The following CCBE1 variants were observed in gnomAD, a reference collection of about 807,000 sequenced individuals.
CCBE1 encodes the protein collagen and calcium binding EGF domains 1, also known as collagen and calcium-binding EGF domain-containing protein 1.
A neutral mutation model predicts 50.0 loss-of-function variants in CCBE1; 37 were observed. That is an observed-to-expected ratio of 0.74 (90% CI 0.57 to 0.97). The LOEUF (loss-of-function observed/expected upper bound fraction) is 0.97, where lower values mean the gene tolerates loss of function less well. Ranked by LOEUF, CCBE1 falls within the 50% of genes least tolerant of loss-of-function variation. The probability of loss-of-function intolerance (pLI) is 0.00; values close to 1 mark genes in which losing one functional copy is unlikely to be tolerated. For synonymous variants in CCBE1, 234 were observed against 203.7 expected (o/e 1.15, Z -1.27); for missense variants, 538 against 523.8 (o/e 1.03, Z -0.26).
At chr18:59,620,062 G>C (rs881253) in intron 2 of CCBE1, among the ~76,000 whole-genome samples, 85,564 of 151,782 alleles carry the variant, frequency 0.56, 26,050 homozygotes, top group African/African-American at 0.79. Flanking sequence ...GAGGGGAATA[G>C]GAAAGGAAAG....
At chr18:59,659,793 G>A (rs577939930) in intron 2 of CCBE1, among the ~76,000 whole-genome samples, 1 of 152,294 alleles carries the variant, frequency 6.6e-6, no homozygotes, top group African/African-American at 2.4e-5. Context: ...CCCACTGCCA[G>A]CAATGAGCTG....
chr18:59,535,978 G>A (rs1439650428), intron 2 of CCBE1, among the ~76,000 whole-genome samples: 1 of 152,186 alleles, frequency 6.6e-6, no homozygotes, highest in Non-Finnish European at 1.5e-5. Context: ...ACAAGCCACG[G>A]TGCCTGGCTG....
intron 2 of CCBE1, among the ~76,000 whole-genome samples, chr18:59,508,561 T>A (rs113904423): frequency 0.045 from 6,884 of 151,818 alleles, 484 homozygotes; most frequent in African/African-American, 0.15. Flanking sequence ...TACACCACTA[T>A]ACTCTAGCCT....
intron 2 of CCBE1, among the ~76,000 whole-genome samples, chr18:59,507,433 A>C (rs1376053836): frequency 6.6e-6 from 1 of 152,232 alleles, no homozygotes; most frequent in Non-Finnish European, 1.5e-5. Flanking sequence ...AGCCAAGGCA[A>C]TATGACCTTC....
chr18:59,609,442 A>G (rs1297432546), intron 2 of CCBE1, among the ~76,000 whole-genome samples: 4 of 152,206 alleles, frequency 2.6e-5, no homozygotes, highest in South Asian at 2.1e-4. Context: ...GGTTTTCGAC[A>G]TGCTACAGAA....
intron 2 of CCBE1, among the ~76,000 whole-genome samples, chr18:59,631,539 A>C (rs112579367): frequency 6.6e-6 from 1 of 152,322 alleles, no homozygotes; most frequent in Non-Finnish European, 1.5e-5. Context: ...CTAGATGTCA[A>C]AGGCCATTGA....
intron 2 of CCBE1, among the ~76,000 whole-genome samples, chr18:59,486,823 G>T (rs953963018): frequency 6.6e-6 from 1 of 152,058 alleles, no homozygotes; most frequent in Non-Finnish European, 1.5e-5. Flanking sequence ...GAAGCAAGAG[G>T]TATATTCTTT....
intron 3 of CCBE1, among the ~76,000 whole-genome samples, chr18:59,479,387 C>T (rs1486697418): frequency 6.6e-6 from 1 of 152,170 alleles, no homozygotes; most frequent in Non-Finnish European, 1.5e-5. Context: ...GTGTATATGT[C>T]CCCTCTGAAC....
At chr18:59,540,704 G>C (rs574386660) in intron 2 of CCBE1, among the ~76,000 whole-genome samples, 1 of 152,130 alleles carries the variant, frequency 6.6e-6, no homozygotes, top group Admixed American at 6.5e-5. Context: ...TGGCAAACTG[G>C]CTTTCTGTTT....
At chr18:59,480,425 T>C (rs1912518212) in intron 2 of CCBE1, among the ~76,000 whole-genome samples, 187 bp from the exon 3 acceptor site, 1 of 152,186 alleles carries the variant, frequency 6.6e-6, no homozygotes, top group African/African-American at 2.4e-5. Flanking sequence ...TGACATTTTC[T>C]AATACCGGGA....
At chr18:59,542,611 A>G (rs1251452175) in intron 2 of CCBE1, among the ~76,000 whole-genome samples, 1 of 152,196 alleles carries the variant, frequency 6.6e-6, no homozygotes, top group South Asian at 2.1e-4. Context: ...GGAATATATC[A>G]AAAAAGGCAA....
intron 2 of CCBE1, among the ~76,000 whole-genome samples, chr18:59,541,266 GAGA>G (rs1915454694): frequency 1.3e-5 from 2 of 152,202 alleles, no homozygotes; most frequent in Admixed American, 1.3e-4. Context: ...CTCTAAGTCA[GAGA>G]AGAAGGGAAA....
In CCBE1 at chr18:59,675,545, C is replaced by T. The variant is rs550771095; in HGVS notation, c.212+21084G>A. 3.3e-5 allele frequency among the ~76,000 whole-genome samples: 5 copies of T among 152,286 alleles called. No homozygotes were observed. The East Asian group carries it at 9.6e-4, about 29-fold the overall frequency. The stretch of plus-strand genomic sequence containing the variant: ...GTGTTAAAAGACTTTTCTACAAAGC[C>T]AAGGAAGATAAGCTTCCTCCATCTC... On this transcript the variant is annotated intron_variant, in intron 2 of 10. Coordinates refer to ENST00000439986, the MANE Select transcript of CCBE1 (RefSeq NM_133459.4).
At chr18:59,622,375 A>G in intron 2 of CCBE1, among the ~76,000 whole-genome samples, 1 of 152,118 alleles carries the variant, frequency 6.6e-6, no homozygotes, top group East Asian at 1.9e-4. Context: ...GGGTGCCTGT[A>G]ATCTCGGGAT....
chr18:59,535,842 C>G (rs1447684977), intron 2 of CCBE1, among the ~76,000 whole-genome samples: 2 of 151,982 alleles, frequency 1.3e-5, no homozygotes. Flanking sequence ...ATAATAAAAT[C>G]AAGATTTAGG....
intron 2 of CCBE1, among the ~76,000 whole-genome samples, chr18:59,675,107 T>C (rs1262001141): frequency 1.3e-5 from 2 of 152,116 alleles, no homozygotes; most frequent in East Asian, 1.9e-4. Flanking sequence ...TTAAGATAAG[T>C]TGTAGCTTGG....
At chr18:59,479,569 T>C (rs1483144069) in intron 3 of CCBE1, among the ~76,000 whole-genome samples, 5 of 152,208 alleles carry the variant, frequency 3.3e-5, no homozygotes, top group African/African-American at 1.2e-4. Flanking sequence ...CACATACTAA[T>C]ACTACCCTGT....
chr18:59,621,308 G>C (rs2053707236), intron 2 of CCBE1, among the ~76,000 whole-genome samples: 1 of 152,174 alleles, frequency 6.6e-6, no homozygotes, highest in Admixed American at 6.5e-5. Context: ...CAGGCAAGAT[G>C]AATCAGTCCC....
intron 2 of CCBE1, among the ~76,000 whole-genome samples, chr18:59,677,832 A>G (rs984471507): frequency 7.9e-5 from 12 of 152,100 alleles, no homozygotes; most frequent in Non-Finnish European, 1.3e-4. Context: ...ATTGAGAGAA[A>G]CTTCATACAA....
Sources: gnomAD v4.1 joint callset for allele counts (sites outside exome capture counted in the v4.1 genomes callset) on GRCh38, gnomAD v4.1.1 for gene constraint, MANE v1.5 for transcripts, NCBI Gene and HGNC (gene_info 2026-07-23, HGNC 2026-07-21) for gene names.